Variants in PCDH7 observed in about 807,000 individuals in gnomAD.
PCDH7 encodes protocadherin-7.
PCDH7 carries 17 observed loss-of-function variants against 58.9 expected under a neutral mutation model. The ratio of observed to expected loss-of-function variants is 0.29; its 90% CI spans 0.20 to 0.43. The LOEUF is 0.43. Among genes scored for constraint, PCDH7 ranks in the 20% least tolerant of loss-of-function variants. The pLI is 1.00. For synonymous variants in PCDH7, 664 were observed against 616.4 expected, an observed-to-expected ratio of 1.08 and a Z score of -1.14; for missense variants, 1,274 against 1,441.0, an observed-to-expected ratio of 0.88 and a Z score of 1.88.
At chr4:30,840,433 CTT>C (rs1253529198) in intron 1 of PCDH7, among the ~76,000 whole-genome samples, 1 of 152,122 alleles carries the variant, frequency 6.6e-6, no homozygotes, top group Admixed American at 6.6e-5. Context: ...TTTTTCCCCT[CTT>C]TGCCTTATTA....
chr4:30,927,631 G>A (rs1744041900), intron 2 of PCDH7, among the ~76,000 whole-genome samples: 1 of 152,070 alleles, frequency 6.6e-6, no homozygotes, highest in African/African-American at 2.4e-5. Flanking sequence ...TGCAAGATGT[G>A]CTTTGTTAAA....
intron 1 of PCDH7, among the ~76,000 whole-genome samples, chr4:30,763,662 G>T (rs1720331735): frequency 6.6e-6 from 1 of 152,234 alleles, no homozygotes; most frequent in East Asian, 1.9e-4. Context: ...TTTTGTTTTT[G>T]ATCTCAGTAT....
At chr4:30,843,269 T>C (rs969430911) in intron 1 of PCDH7, among the ~76,000 whole-genome samples, 4 of 152,132 alleles carry the variant, frequency 2.6e-5, no homozygotes, top group Non-Finnish European at 5.9e-5. Context: ...TGGTGCAATC[T>C]GGGCTCATTG....
intron 3 of PCDH7, among the ~76,000 whole-genome samples, chr4:31,098,943 C>T (rs1414021404): frequency 2.0e-5 from 3 of 152,054 alleles, no homozygotes; most frequent in Non-Finnish European, 4.4e-5. Context: ...TGTTTCCTCA[C>T]GTGGTCTTTA....
At chr4:31,051,827 T>C (rs1021021137) in intron 3 of PCDH7, among the ~76,000 whole-genome samples, 10 of 134,598 alleles carry the variant, frequency 7.4e-5, no homozygotes, top group Non-Finnish European at 1.4e-4. Context: ...CATTGTTGGG[T>C]GTGTGTGGGG....
intron 2 of PCDH7, among the ~76,000 whole-genome samples, chr4:30,934,438 A>G (rs1338848751): frequency 6.6e-6 from 1 of 152,116 alleles, no homozygotes; most frequent in Non-Finnish European, 1.5e-5. Flanking sequence ...AAAATACATT[A>G]TTACTCTTCT....
intron 3 of PCDH7, among the ~76,000 whole-genome samples, chr4:31,026,019 A>G (rs559051727): frequency 2.5e-4 from 38 of 152,318 alleles, no homozygotes; most frequent in East Asian, 3.9e-4. Context: ...AATTACTAGT[A>G]TGTGTCAAAC....
intron 3 of PCDH7, among the ~76,000 whole-genome samples, chr4:30,984,989 CAG>C (rs1750852153): frequency 6.6e-6 from 1 of 152,042 alleles, no homozygotes; most frequent in South Asian, 2.1e-4. Context: ...TTGTTTTGGA[CAG>C]AGTCTTGCTC....
intron 3 of PCDH7, among the ~76,000 whole-genome samples, chr4:30,956,699 G>C (rs10939323): frequency 0.19 from 28,728 of 152,056 alleles, 3,418 homozygotes; most frequent in South Asian, 0.26. Flanking sequence ...TTGAAATCTC[G>C]TTAACTTTTT....
intron 3 of PCDH7, 46 bp from the exon 3 acceptor site, chr4:31,142,427 G>A (rs764086270): frequency 1.5e-6 from 2 of 1,326,568 alleles, no homozygotes; most frequent in South Asian, 2.5e-5. Flanking sequence ...AGGGGAGCCT[G>A]TTGAGGAGTG....
intron 3 of PCDH7, among the ~76,000 whole-genome samples, chr4:31,139,403 A>T (rs1347155376): frequency 1.3e-5 from 2 of 152,218 alleles, no homozygotes; most frequent in African/African-American, 4.8e-5. Flanking sequence ...TAAAGCATAA[A>T]ATAATGTTCT....
intron 1 of PCDH7, among the ~76,000 whole-genome samples, chr4:30,871,333 A>C (rs895376691): frequency 6.6e-6 from 1 of 152,018 alleles, no homozygotes; most frequent in African/African-American, 2.4e-5. Context: ...CAGTGTTCAG[A>C]CTTTTTTCAT....
chr4:31,039,816 A>C (rs1318014962), intron 3 of PCDH7, among the ~76,000 whole-genome samples: 1 of 152,200 alleles, frequency 6.6e-6, no homozygotes, highest in Non-Finnish European at 1.5e-5. Flanking sequence ...ATCACGGAGT[A>C]AATTATAAGC....
chr4:30,925,118 A>T (rs151099956), intron 2 of PCDH7, among the ~76,000 whole-genome samples: 2 of 152,216 alleles, frequency 1.3e-5, no homozygotes, highest in East Asian at 3.9e-4. Context: ...GATTCATTCC[A>T]TTTCCTTCAT....
chr4:31,061,154 T>C (rs1370773609), intron 3 of PCDH7, among the ~76,000 whole-genome samples: 1 of 151,750 alleles, frequency 6.6e-6, no homozygotes, highest in Non-Finnish European at 1.5e-5. Flanking sequence ...CATGTGTAGT[T>C]TACAAGGAAG....
chr4:30,862,658 A>G (rs1461914378), intron 1 of PCDH7, among the ~76,000 whole-genome samples: 1 of 152,188 alleles, frequency 6.6e-6, no homozygotes, highest in Non-Finnish European at 1.5e-5. Flanking sequence ...CCATTGCTGC[A>G]GATTTTAAAT....
intron 1 of PCDH7, among the ~76,000 whole-genome samples, chr4:30,788,873 AT>A (rs1390311027): frequency 6.6e-6 from 1 of 152,164 alleles, no homozygotes; most frequent in African/African-American, 2.4e-5. Flanking sequence ...ATACACTATC[AT>A]TTTTAAGACA....
chr4:30,956,682 T>C (rs1345165248), intron 3 of PCDH7, among the ~76,000 whole-genome samples: 8 of 152,178 alleles, frequency 5.3e-5, no homozygotes, highest in African/African-American at 1.9e-4. Flanking sequence ...ATTATGAAAA[T>C]TTCCTTTTGA....
chr4:31,062,436 T>C (rs2109239769), intron 3 of PCDH7, among the ~76,000 whole-genome samples: 1 of 151,926 alleles, frequency 6.6e-6, no homozygotes, highest in East Asian at 1.9e-4. Context: ...TTAAAATATC[T>C]AATTTCCTTT....
Sources: allele counts gnomAD v4.1 joint callset (sites outside exome capture counted in the v4.1 genomes callset), GRCh38; gene constraint gnomAD v4.1.1; transcripts MANE v1.5; gene names NCBI Gene and HGNC (gene_info 2026-07-23, HGNC 2026-07-21).